Variants in IL1RAPL1 observed in about 807,000 individuals in gnomAD.
The protein encoded by IL1RAPL1 is interleukin 1 receptor accessory protein like 1.
Under a neutral mutation model 48.4 loss-of-function variants are expected in IL1RAPL1, and 3 were observed. The ratio of observed to expected loss-of-function variants is 0.06; its 90% CI spans 0.03 to 0.16. The LOEUF is 0.16. Among genes scored for constraint, IL1RAPL1 ranks in the 10% least tolerant of loss-of-function variants. IL1RAPL1 has a pLI of 1.00. For synonymous variants in IL1RAPL1, 185 were observed against 187.7 expected, an observed-to-expected ratio of 0.99 and a Z score of 0.12; for missense variants, 349 against 530.6, an observed-to-expected ratio of 0.66 and a Z score of 3.36.
chrX:29,688,135 T>C lies in IL1RAPL1; in HGVS notation c.778+19631T>C, dbSNP rs368308866. Among the ~76,000 whole-genome samples, 23 of 112,374 alleles carry C rather than the reference T, an allele frequency of 2.0e-4. No individual in the cohort carries two copies. The South Asian group carries it at 8.1e-3, about 40-fold the overall frequency. On this transcript the variant is annotated intron_variant, in intron 6 of 10. Transcript: ENST00000378993. ...TTACCTTACTAAAAAGTTATCTTTA[T>C]ATCTATGTTAGTTTTCTGTGGCTGG...
rs180759719 is a variant in IL1RAPL1 at position 28,884,344 on chromosome X, A to G, written c.82+94919A>G. 4.5e-5 allele frequency among the ~76,000 whole-genome samples: 5 copies of G among 111,841 alleles called. No individual in the cohort carries two copies. In the East Asian group the frequency reaches 1.4e-3, roughly 31 times the overall value. On this transcript the variant is annotated intron_variant, in intron 2 of 10. Coordinates refer to ENST00000378993, the MANE Select transcript of IL1RAPL1 (RefSeq NM_014271.4). ...AATTTTTATAAAGTTATTTTTGATT[A>G]TCCTACAAATAGGGATTTGATGAAT...
In IL1RAPL1 at chrX:28,910,787, C is replaced by T. The variant is rs761552960; in HGVS notation, c.82+121362C>T. On this transcript the variant is annotated intron_variant, in intron 2 of 10. Transcript: ENST00000378993. Reference sequence around the variant, plus strand: ...AGTAGCTGCATTAAAAAAAAAAACACGTGAGGTCTTTTTTTAAAACATAAT... The same window carrying T: ...AGTAGCTGCATTAAAAAAAAAAACATGTGAGGTCTTTTTTTAAAACATAAT... Among the ~76,000 whole-genome samples the T allele has an allele frequency of 5.6e-5, 6 of 107,355 alleles. No homozygotes were observed. The East Asian group carries it at 1.5e-3, about 26-fold the overall frequency. The allele number at this position is 107,355 out of a possible 115,157, so 93.2% of individuals were successfully genotyped here.
chrX:29,462,784 G>T (rs1168482433), intron 5 of IL1RAPL1, among the ~76,000 whole-genome samples: 1 of 111,870 alleles, frequency 8.9e-6, no homozygotes, highest in African/African-American at 3.3e-5. Flanking sequence ...AGATTCCCCA[G>T]TACAGAGAAA....
chrX:29,610,339 C>G (rs1924048215), intron 5 of IL1RAPL1, among the ~76,000 whole-genome samples: 1 of 111,713 alleles, frequency 9.0e-6, no homozygotes, highest in African/African-American at 3.3e-5. Context: ...CTGTTCTTGA[C>G]TCGCTTTTAA....
chrX:28,792,065 C>T (rs762867381), intron 2 of IL1RAPL1, among the ~76,000 whole-genome samples: 1 of 111,789 alleles, frequency 8.9e-6, no homozygotes, highest in East Asian at 2.8e-4. Context: ...ACGTATTAAC[C>T]AAGAGGACTT....
At chrX:28,613,275 C>A (rs990155958) in intron 1 of IL1RAPL1, among the ~76,000 whole-genome samples, 1 of 112,297 alleles carries the variant, frequency 8.9e-6, no homozygotes, top group African/African-American at 3.2e-5. Context: ...GACTTTGGGC[C>A]CTGTTGTTTG....
intron 2 of IL1RAPL1, among the ~76,000 whole-genome samples, chrX:28,971,876 T>TTCTG (rs768970165): frequency 3.6e-5 from 3 of 84,488 alleles, no homozygotes; most frequent in African/African-American, 1.4e-4. Context: ...ACTCTGAAAA[T>TTCTG]TGTGTGTGTG....
At chrX:29,584,736 G>C (rs137998672) in intron 5 of IL1RAPL1, among the ~76,000 whole-genome samples, 2,251 of 111,004 alleles carry the variant, frequency 0.02, 61 homozygotes, top group African/African-American at 0.07. Context: ...TTTATTTTTT[G>C]TTGAGATGGG....
chrX:29,295,390 GT>G (rs908507826), intron 3 of IL1RAPL1, among the ~76,000 whole-genome samples: 2 of 111,872 alleles, frequency 1.8e-5, no homozygotes, highest in Non-Finnish European at 3.8e-5. Context: ...AAAGGAAGGA[GT>G]TTGGGGGTAC....
At chrX:29,038,855 T>TA (rs111442088) in intron 2 of IL1RAPL1, among the ~76,000 whole-genome samples, 42 of 110,528 alleles carry the variant, frequency 3.8e-4, no homozygotes, top group African/African-American at 9.5e-4. Flanking sequence ...AATTCTTTCT[T>TA]AAAAAAAAAC....
At chrX:29,153,675 T>C (rs971924946) in intron 2 of IL1RAPL1, among the ~76,000 whole-genome samples, 1 of 112,556 alleles carries the variant, frequency 8.9e-6, no homozygotes, top group Non-Finnish European at 1.9e-5. Flanking sequence ...CAAAATAAAC[T>C]TGTCATTTGT....
intron 2 of IL1RAPL1, among the ~76,000 whole-genome samples, chrX:28,896,594 C>G (rs1922925284): frequency 9.0e-6 from 1 of 110,599 alleles, no homozygotes; most frequent in Non-Finnish European, 1.9e-5. Flanking sequence ...GACCGGGTGT[C>G]AGGAGGGGAG....
chrX:28,766,737 C>A (rs1469706197), intron 1 of IL1RAPL1, among the ~76,000 whole-genome samples: 1 of 111,046 alleles, frequency 9.0e-6, no homozygotes, highest in African/African-American at 3.3e-5. Flanking sequence ...TCTCCATGTC[C>A]ATGAGTTCAA....
chrX:29,483,461 C>T (rs140272896), intron 5 of IL1RAPL1, among the ~76,000 whole-genome samples: 96 of 111,426 alleles, frequency 8.6e-4, no homozygotes, highest in African/African-American at 2.9e-3. Flanking sequence ...GTCATACGTT[C>T]TGCGATGCTA....
At chrX:29,027,221 A>T (rs770842885) in intron 2 of IL1RAPL1, among the ~76,000 whole-genome samples, 25 of 112,250 alleles carry the variant, frequency 2.2e-4, no homozygotes, top group Non-Finnish European at 4.5e-4. Context: ...ATTCCTGGCA[A>T]CCACAAACCT....
chrX:28,593,180 T>C (rs1368639817), intron 1 of IL1RAPL1, among the ~76,000 whole-genome samples: 1 of 111,546 alleles, frequency 9.0e-6, no homozygotes, highest in Admixed American at 9.6e-5. Context: ...GGAAAGATCC[T>C]TAATTGACAT....
chrX:29,154,229 C>T lies in IL1RAPL1; in HGVS notation c.83-128709C>T, dbSNP rs138152268. Among the ~76,000 whole-genome samples the T allele has an allele frequency of 6.9e-3, 753 of 109,143 alleles. 5 individuals are homozygous for T. The highest frequency in any genetic ancestry group is 0.024 in the African/African-American group (680 of 28,308). The allele number at this position is 109,143 out of a possible 115,157, so 94.8% of individuals were successfully genotyped here. A position where few individuals can be genotyped will look rare whatever the true frequency, so the allele number is the denominator to read the frequency against. On this transcript the variant is annotated intron_variant, in intron 2 of 10. Transcript: ENST00000378993. The stretch of plus-strand genomic sequence containing the variant: ...AAATGGCCAGTTGGTATCTTCTTAA[C>T]CCAGTTGTGCATTTTAAAATATTTT...
At chrX:29,605,209 A>G (rs6630916) in intron 5 of IL1RAPL1, among the ~76,000 whole-genome samples, 40,283 of 108,570 alleles carry the variant, frequency 0.37, 5,842 homozygotes, top group South Asian at 0.54. Context: ...GTATATTATC[A>G]AAGGACATGA....
chrX:29,425,648 C>T (rs781412209), intron 5 of IL1RAPL1, among the ~76,000 whole-genome samples: 3 of 111,247 alleles, frequency 2.7e-5, no homozygotes, highest in Non-Finnish European at 5.7e-5. Context: ...GGCATGATTA[C>T]GGCTCACTGC....
Sources: allele counts gnomAD v4.1 joint callset (sites outside exome capture counted in the v4.1 genomes callset), GRCh38; gene constraint gnomAD v4.1.1; transcripts MANE v1.5; gene names NCBI Gene and HGNC (gene_info 2026-07-23, HGNC 2026-07-21).